JPH1: variants seen among roughly 807,000 people sequenced by gnomAD.
JPH1 encodes junctophilin 1.
JPH1 carries 12 observed loss-of-function variants against 53.6 expected under a neutral mutation model. The observed-to-expected ratio is 0.22, with a 90% confidence interval of 0.14 to 0.36. JPH1 has a LOEUF of 0.36. Among genes scored for constraint, JPH1 ranks in the 10% least tolerant of loss-of-function variants. JPH1 has a pLI of 1.00. For synonymous variants in JPH1, 375 were observed against 363.8 expected (o/e 1.03, Z -0.35); for missense variants, 808 against 905.5 (o/e 0.89, Z 1.38).
At chr8:74,295,527 T>C (rs1178650352) in intron 2 of JPH1, among the ~76,000 whole-genome samples, 1 of 152,184 alleles carries the variant, frequency 6.6e-6, no homozygotes, top group Non-Finnish European at 1.5e-5. Context: ...GGCACTCACA[T>C]ATACTTGATC....
At chr8:74,305,992 G>T (rs1807820466) in intron 2 of JPH1, among the ~76,000 whole-genome samples, 1 of 151,800 alleles carries the variant, frequency 6.6e-6, no homozygotes, top group South Asian at 2.1e-4. Flanking sequence ...GAGGGCTGGA[G>T]AAAGAGTTTT....
intron 2 of JPH1, among the ~76,000 whole-genome samples, chr8:74,282,161 G>C (rs752063825): frequency 3.9e-5 from 6 of 152,124 alleles, no homozygotes; most frequent in Admixed American, 6.6e-5. Flanking sequence ...ACTTGCCCAA[G>C]TTGGAGTCAA....
intron 3 of JPH1, among the ~76,000 whole-genome samples, chr8:74,247,327 C>A (rs150385577): frequency 1.3e-5 from 2 of 152,150 alleles, no homozygotes; most frequent in East Asian, 3.9e-4. Context: ...ACTAAAATAC[C>A]CATCTAGGTA....
rs949963762 is a variant in JPH1 at position 74,235,781 on chromosome 8, C to A, written c.*1270G>T. Reference sequence around the variant, plus strand: ...CATATTTAAAATAAAAATGTCTAAGCCTTTAAAATGTGAAATGAAATTACA... The same window carrying A: ...CATATTTAAAATAAAAATGTCTAAGACTTTAAAATGTGAAATGAAATTACA... On this transcript the variant is annotated 3_prime_UTR_variant, in exon 6 of 6. Coordinates refer to ENST00000342232, the MANE Select transcript of JPH1 (RefSeq NM_020647.4). 1 of 152,396 alleles carries A rather than the reference C, an allele frequency of 6.6e-6. No homozygotes were observed. The highest frequency in any genetic ancestry group is 1.5e-5 in the Non-Finnish European group (1 of 68,012). The allele number at this position is 152,396 out of a possible 1,614,324, so 9.4% of individuals were successfully genotyped here.
At chr8:74,251,251 T>C (rs1806048538) in intron 3 of JPH1, among the ~76,000 whole-genome samples, 1 of 152,242 alleles carries the variant, frequency 6.6e-6, no homozygotes, top group Admixed American at 6.5e-5. Flanking sequence ...CCTCTGTGAC[T>C]CTTTTTTCTA....
rs1808321856 is a variant in JPH1, at chr8:74,321,371, G to C, written c.-84C>G. On this transcript the variant is annotated 5_prime_UTR_variant, in exon 1 of 6. Coordinates refer to ENST00000342232, the MANE Select transcript of JPH1 (RefSeq NM_020647.4). This position sits in a 1 kb window ranked among gnomAD's most constrained non-coding sequence, Gnocchi z 4.3. The stretch of plus-strand genomic sequence containing the variant: ...CGGCAGGGTGTAGCTCGGGGGTGGG[G>C]GCCCGGCGGGCGAGCTCACGACAGC... 2 of 1,326,186 alleles carry C rather than the reference G, an allele frequency of 1.5e-6. No individual in the cohort carries two copies. 82.2% of individuals were successfully genotyped at this position (1,326,186 alleles called of 1,614,324 possible). A position where few individuals can be genotyped will look rare whatever the true frequency, so the allele number is the denominator to read the frequency against.
chr8:74,252,821 C>T (rs1317105892), intron 3 of JPH1, among the ~76,000 whole-genome samples: 1 of 152,066 alleles, frequency 6.6e-6, no homozygotes, highest in Non-Finnish European at 1.5e-5. Context: ...GTAAAGGGAT[C>T]AATTCAACAA....
At chr8:74,239,320 C>T (rs1411959538) in intron 4 of JPH1, among the ~76,000 whole-genome samples, 3 of 152,126 alleles carry the variant, frequency 2.0e-5, no homozygotes, top group Non-Finnish European at 1.5e-5. Flanking sequence ...AGTCTGGTCA[C>T]TTCAGAGCTC....
chr8:74,241,431 T>C (rs1267231871), intron 4 of JPH1, among the ~76,000 whole-genome samples: 2 of 152,152 alleles, frequency 1.3e-5, no homozygotes, highest in African/African-American at 4.8e-5. Context: ...CTGGGACAGG[T>C]GTAATACAAG....
intron 2 of JPH1, among the ~76,000 whole-genome samples, chr8:74,277,241 C>T (rs1806874377): frequency 1.3e-5 from 2 of 152,182 alleles, no homozygotes; most frequent in Admixed American, 6.5e-5. Context: ...GCTGTGCTCC[C>T]GCCATCTGGA....
intron 1 of JPH1, among the ~76,000 whole-genome samples, chr8:74,317,580 T>C (rs2131468651): frequency 6.6e-6 from 1 of 152,218 alleles, no homozygotes; most frequent in East Asian, 1.9e-4. Flanking sequence ...AGGATGAAAG[T>C]TTCACAATCT....
At chr8:74,248,815 T>C (rs753986814) in intron 3 of JPH1, among the ~76,000 whole-genome samples, 4 of 152,208 alleles carry the variant, frequency 2.6e-5, no homozygotes, top group Non-Finnish European at 5.9e-5. Flanking sequence ...GTGTCAGCAT[T>C]GCAGAGCCAG....
At position 74,234,951 on chromosome 8, in the gene JPH1, T is replaced by C. The variant is rs1189885716; in HGVS notation, c.*2100A>G. On this transcript the variant is annotated 3_prime_UTR_variant, in exon 6 of 6. Transcript: ENST00000342232. Reference sequence around the variant, plus strand: ...TTCATGTAAAATACAGCTGTGCACATTTTAGAAAAATACCAACAATTTGAG... The same window carrying C: ...TTCATGTAAAATACAGCTGTGCACACTTTAGAAAAATACCAACAATTTGAG... 1.3e-5 allele frequency: 2 copies of C among 152,592 alleles called. No homozygotes were observed. Among genetic ancestry groups the C allele is most frequent in the Admixed American group, 1.3e-4 (2 of 15,268 alleles). The allele number at this position is 152,592 out of a possible 1,614,324, so 9.5% of individuals were successfully genotyped here.
At chr8:74,308,466 C>T (rs986807238) in intron 2 of JPH1, among the ~76,000 whole-genome samples, 1 of 152,106 alleles carries the variant, frequency 6.6e-6, no homozygotes, top group African/African-American at 2.4e-5. Context: ...TGGTTTTGCC[C>T]AGCAAAACAA....
intron 3 of JPH1, among the ~76,000 whole-genome samples, chr8:74,252,835 GAACT>G (rs1171690923): frequency 6.6e-6 from 1 of 152,144 alleles, no homozygotes; most frequent in Non-Finnish European, 1.5e-5. Flanking sequence ...TCAACAAGAA[GAACT>G]AACTATCCTA....
chr8:74,262,804 A>G (rs956172921), intron 2 of JPH1, among the ~76,000 whole-genome samples: 1 of 152,212 alleles, frequency 6.6e-6, no homozygotes, highest in Non-Finnish European at 1.5e-5. Flanking sequence ...ATGCTCACTG[A>G]GCAGCTATGG....
intron 1 of JPH1, among the ~76,000 whole-genome samples, chr8:74,317,475 C>G (rs1410355553): frequency 6.6e-6 from 1 of 152,100 alleles, no homozygotes; most frequent in Non-Finnish European, 1.5e-5. Flanking sequence ...CTGGCCATCT[C>G]CAAATACCGC....
intron 2 of JPH1, among the ~76,000 whole-genome samples, chr8:74,272,621 T>C (rs1340017025): frequency 3.9e-4 from 54 of 139,736 alleles, no homozygotes; most frequent in African/African-American, 1.3e-3. Context: ...TTTTTTTTTT[T>C]GAGACGGAGT....
At chr8:74,298,292 T>C (rs930441370) in intron 2 of JPH1, among the ~76,000 whole-genome samples, 3 of 152,132 alleles carry the variant, frequency 2.0e-5, no homozygotes, top group Non-Finnish European at 4.4e-5. Context: ...CTCACATCCT[T>C]AGAACGTTAA....
Sources: gnomAD v4.1 joint callset for allele counts (sites outside exome capture counted in the v4.1 genomes callset) on GRCh38, gnomAD v4.1.1 for gene constraint, Gnocchi (gnomAD v3.1) non-coding constraint, MANE v1.5 for transcripts, NCBI Gene and HGNC (gene_info 2026-07-23, HGNC 2026-07-21) for gene names.